MME: variants seen among roughly 807,000 people sequenced by gnomAD.
MME encodes neprilysin.
Under a neutral mutation model 113.2 loss-of-function variants are expected in MME, and 98 were observed. The ratio of observed to expected loss-of-function variants is 0.87; its 90% CI spans 0.74 to 1.02. The LOEUF is 1.02. Among genes scored for constraint, MME ranks in the 50% least tolerant of loss-of-function variants. The pLI is 0.00. For missense variants in MME, 836 were observed against 896.0 expected, an observed-to-expected ratio of 0.93 and a Z score of 0.86; for synonymous variants, 292 against 300.6, an observed-to-expected ratio of 0.97 and a Z score of 0.30.
chr3:155,076,564 C>T (rs1714756849), upstream of MME, among the ~76,000 whole-genome samples: 1 of 152,120 alleles, frequency 6.6e-6, no homozygotes. Flanking sequence ...GGTTCTTGGA[C>T]CTCTTGCAAG....
chr3:155,148,671 T>A lies in MME; in HGVS notation c.1601+18T>A. 1 of 1,525,282 alleles carries A rather than the reference T, an allele frequency of 6.6e-7. No homozygotes were observed. The highest frequency in any genetic ancestry group is 9.1e-7 in the Non-Finnish European group (1 of 1,099,526). The allele number at this position is 1,525,282 out of a possible 1,614,324, so 94.5% of individuals were successfully genotyped here. ...AAAGATGAGTGCGTATATTCTCATTTCTAATGTGATCATCTAGAAGCAGGT... is the reference window on the plus strand; with the variant it reads ...AAAGATGAGTGCGTATATTCTCATTACTAATGTGATCATCTAGAAGCAGGT... On this transcript the variant is annotated intron_variant, in intron 16 of 22. Transcript: ENST00000360490.
At chr3:155,136,117 G>T (rs1720613076) in intron 8 of MME, among the ~76,000 whole-genome samples, 1 of 152,082 alleles carries the variant, frequency 6.6e-6, no homozygotes, top group Non-Finnish European at 1.5e-5. Flanking sequence ...TTTCCTATTT[G>T]GATGCCTTCT....
intron 3 of MME, chr3:155,090,154 A>G (rs1445452408): frequency 6.4e-6 from 1 of 156,476 alleles, no homozygotes; most frequent in African/African-American, 2.4e-5. Context: ...GGCAGCCTTG[A>G]CAGACAGGCT....
chr3:155,068,065 G>C (rs1714443558), intron 1 of MME, among the ~76,000 whole-genome samples: 1 of 151,948 alleles, frequency 6.6e-6, no homozygotes, highest in Admixed American at 6.6e-5. Flanking sequence ...ACAAACTAAG[G>C]GATATCCATT....
rs183010762 is a variant in MME at position 155,144,896 on chromosome 3, A to G, written c.1416+439A>G. 4.1e-3 allele frequency among the ~76,000 whole-genome samples: 626 copies of G among 152,334 alleles called. 4 individuals are homozygous for G. Among genetic ancestry groups the G allele is most frequent in the African/African-American group, 0.014 (591 of 41,586 alleles). ...TGTGATCATTTGTCTTTATAATTAT[A>G]TAATAACTAGGGGGAACATGTCCTG... On this transcript the variant is annotated intron_variant, in intron 14 of 22. Transcript: ENST00000360490.
At chr3:155,072,021 C>T (rs937935335) in intron 1 of MME, among the ~76,000 whole-genome samples, 14 of 151,942 alleles carry the variant, frequency 9.2e-5, no homozygotes, top group Non-Finnish European at 1.3e-4. Context: ...ATTAGCCGGG[C>T]GCGGTGGCGG....
In MME at chr3:155,172,616, C is replaced by A; in HGVS notation, c.2153+4C>A. On this transcript the variant is annotated splice_donor_region_variant and intron_variant, in intron 22 of 22. Coordinates refer to ENST00000360490, the MANE Select transcript of MME (RefSeq NM_007289.4). ...TGCACAGTCCAGGCAATTTCAGGTG[C>A]GTGGATATGAACAGCAATCAAGGTG... 6.2e-7 allele frequency: 1 copy of A among 1,607,376 alleles called. No individual in the cohort carries two copies. Among genetic ancestry groups the A allele is most frequent in the Non-Finnish European group, 8.5e-7 (1 of 1,174,264 alleles).
intron 8 of MME, among the ~76,000 whole-genome samples, chr3:155,124,708 G>T (rs1218191529): frequency 7.3e-5 from 11 of 151,586 alleles, no homozygotes; most frequent in Admixed American, 7.2e-4. Context: ...CCTGCTGGGG[G>T]GTGCCTCCCA....
At chr3:155,164,143 CAAAAAAAA>C (rs34922274) in intron 17 of MME, among the ~76,000 whole-genome samples, 1 of 90,140 alleles carries the variant, frequency 1.1e-5, no homozygotes, top group East Asian at 2.8e-4. Flanking sequence ...GACCCTGTTT[CAAAAAAAA>C]AAAAAAAAAG....
At chr3:155,098,608 C>A (rs904998749) in intron 3 of MME, among the ~76,000 whole-genome samples, 4 of 149,436 alleles carry the variant, frequency 2.7e-5, no homozygotes, top group African/African-American at 9.8e-5. Context: ...AGTCGAGGAA[C>A]AGGTGTAGAG....
intron 1 of MME, chr3:155,081,576 C>T (rs559922825): frequency 1.3e-5 from 2 of 149,704 alleles, no homozygotes; most frequent in African/African-American, 4.9e-5. Flanking sequence ...TATGTTTTTG[C>T]GTACCCTGCT....
At chr3:155,027,381 G>T (rs1029910067) in intron 1 of MME, among the ~76,000 whole-genome samples, 7 of 152,218 alleles carry the variant, frequency 4.6e-5, no homozygotes, top group Non-Finnish European at 1.0e-4. Flanking sequence ...CCTGGGCAAG[G>T]TTTTTATGGT....
At chr3:155,085,228 C>G (rs1715576081) in intron 3 of MME, 134 bp downstream of exon 3, 1 of 555,362 alleles carries the variant, frequency 1.8e-6, no homozygotes, top group African/African-American at 1.9e-5. Flanking sequence ...GCTCTATAAT[C>G]AATGGAAATA....
intron 3 of MME, among the ~76,000 whole-genome samples, chr3:155,110,103 G>A (rs558106646): frequency 1.1e-4 from 16 of 152,322 alleles, no homozygotes; most frequent in Admixed American, 7.2e-4. Context: ...CAGAGTGGCA[G>A]GAAAGAGAGT....
At chr3:155,157,853 A>C (rs1270557642) in intron 16 of MME, among the ~76,000 whole-genome samples, 1 of 152,180 alleles carries the variant, frequency 6.6e-6, no homozygotes, top group African/African-American at 2.4e-5. Context: ...TTTGGTGGTC[A>C]TAAATAGCTA....
intron 1 of MME, among the ~76,000 whole-genome samples, chr3:155,063,305 TATA>T (rs1481793010): frequency 9.3e-6 from 1 of 107,616 alleles, no homozygotes; most frequent in African/African-American, 3.8e-5. Flanking sequence ...TATATAAAGA[TATA>T]ATATATCATT....
In MME at chr3:155,117,075, G is replaced by T. The variant is rs1358776061; in HGVS notation, c.654+89G>T. ...GTTGTTATTGATATTTAGAAATAAT[G>T]CTATTTTCAATTGAATTGAATAAGC... On this transcript the variant is annotated intron_variant, in intron 7 of 22. Coordinates refer to ENST00000360490, the MANE Select transcript of MME (RefSeq NM_007289.4). 3 of 824,376 alleles carry T rather than the reference G, an allele frequency of 3.6e-6. No individual in the cohort carries two copies. In the South Asian group the frequency reaches 4.2e-5, roughly 12 times the overall value. The allele number at this position is 824,376 out of a possible 1,614,324, so 51.1% of individuals were successfully genotyped here.
At chr3:155,079,633 G>GGGGGGGGGGGC, upstream of MME, 1 of 141,966 alleles carries the variant, frequency 7.0e-6, no homozygotes, top group African/African-American at 2.5e-5. Context: ...TAGGGGGTGG[G>GGGGGGGGGGGC]GGGGGTGGGC....
intron 5 of MME, 23 bp from the exon 6 acceptor site, chr3:155,116,640 AT>A: frequency 6.3e-7 from 1 of 1,594,972 alleles, no homozygotes; most frequent in Non-Finnish European, 8.6e-7. Flanking sequence ...TTCTAATTGA[AT>A]TTATGTTTGT....
Sources: gnomAD v4.1 joint callset for allele counts (sites outside exome capture counted in the v4.1 genomes callset) on GRCh38, gnomAD v4.1.1 for gene constraint, MANE v1.5 for transcripts, NCBI Gene and HGNC (gene_info 2026-07-23, HGNC 2026-07-21) for gene names.